Variants in UBE2E2 observed in about 807,000 individuals in gnomAD.
UBE2E2 encodes ubiquitin conjugating enzyme E2 E2, also known as ubiquitin-conjugating enzyme E2 E2.
A neutral mutation model predicts 24.7 loss-of-function variants in UBE2E2; 6 were observed. The ratio of observed to expected loss-of-function variants is 0.24; its 90% confidence interval spans 0.13 to 0.48. The LOEUF is 0.48. Ranked by LOEUF, UBE2E2 falls within the 20% of genes least tolerant of loss-of-function variation. The probability of loss-of-function intolerance (pLI) is 0.99; values close to 1 mark genes in which losing one functional copy is unlikely to be tolerated. For missense variants in UBE2E2, 169 were observed against 245.0 expected (o/e 0.69, Z 2.07); for synonymous variants, 104 against 83.6 (o/e 1.24, Z -1.33).
chr3:23,218,954 C>G (rs536758696), intron 3 of UBE2E2, among the ~76,000 whole-genome samples: 20 of 152,128 alleles, frequency 1.3e-4, no homozygotes, highest in Non-Finnish European at 2.5e-4. Flanking sequence ...TATGTAAGCT[C>G]TTCATAAATA....
At chr3:23,330,318 A>G (rs574003481) in intron 3 of UBE2E2, among the ~76,000 whole-genome samples, 3 of 152,358 alleles carry the variant, frequency 2.0e-5, no homozygotes, top group Non-Finnish European at 4.4e-5. Context: ...TCCAGGCTTT[A>G]GAAATAAAGA....
intron 4 of UBE2E2, among the ~76,000 whole-genome samples, chr3:23,514,241 CTTCTATAAACAGTGCCACA>C (rs1246546050): frequency 9.9e-5 from 15 of 152,216 alleles, no homozygotes; most frequent in Non-Finnish European, 1.8e-4. Context: ...TTCTGACCAC[CTTCTATAAACAGTGCCACA>C]CTAGTTGTTG....
At chr3:23,549,524 C>G (rs972075629) in intron 5 of UBE2E2, among the ~76,000 whole-genome samples, 60 of 152,174 alleles carry the variant, frequency 3.9e-4, no homozygotes, top group African/African-American at 1.4e-3. Flanking sequence ...CTCTCACTAA[C>G]TAGCTAGTGA....
At chr3:23,322,052 T>C (rs1263795116) in intron 3 of UBE2E2, among the ~76,000 whole-genome samples, 1 of 152,218 alleles carries the variant, frequency 6.6e-6, no homozygotes, top group African/African-American at 2.4e-5. Flanking sequence ...AGCCTGCTTT[T>C]TGTACCATAA....
intron 3 of UBE2E2, among the ~76,000 whole-genome samples, chr3:23,461,242 T>C (rs1698799018): frequency 6.6e-6 from 1 of 152,160 alleles, no homozygotes; most frequent in African/African-American, 2.4e-5. Flanking sequence ...TAACTAGTCA[T>C]AGTACTTAAA....
intron 5 of UBE2E2, among the ~76,000 whole-genome samples, chr3:23,553,287 A>T (rs1406284156): frequency 6.6e-6 from 1 of 151,712 alleles, no homozygotes; most frequent in East Asian, 1.9e-4. Context: ...AATCATTGAT[A>T]TTACATTATA....
At chr3:23,488,541 T>G (rs747767425) in intron 3 of UBE2E2, among the ~76,000 whole-genome samples, 30 of 152,350 alleles carry the variant, frequency 2.0e-4, no homozygotes, top group Non-Finnish European at 3.1e-4. Context: ...GAATTTTTAC[T>G]GTGATTACTT....
chr3:23,442,314 A>G (rs1407422132), intron 3 of UBE2E2, among the ~76,000 whole-genome samples: 2 of 152,116 alleles, frequency 1.3e-5, no homozygotes, highest in African/African-American at 4.8e-5. Flanking sequence ...AAAAAAATGA[A>G]TCCTGCTACT....
intron 3 of UBE2E2, among the ~76,000 whole-genome samples, chr3:23,471,172 A>G (rs935246228): frequency 7.2e-5 from 11 of 152,238 alleles, no homozygotes; most frequent in East Asian, 3.8e-4. Context: ...GGACAGCCCC[A>G]GTTTTTCAAA....
At chr3:23,389,352 A>G (rs1367699469) in intron 3 of UBE2E2, among the ~76,000 whole-genome samples, 8 of 152,082 alleles carry the variant, frequency 5.3e-5, no homozygotes, top group Non-Finnish European at 7.4e-5. Context: ...CCTACATTTA[A>G]TCACACACAT....
chr3:23,224,155 G>GCTT (rs1488736163), intron 3 of UBE2E2, among the ~76,000 whole-genome samples: 1 of 94,782 alleles, frequency 1.1e-5, no homozygotes, highest in African/African-American at 3.6e-5. Context: ...GTAAATTTTA[G>GCTT]GTTTTTTTTT....
chr3:23,531,964 A>G (rs909540187), intron 4 of UBE2E2, among the ~76,000 whole-genome samples: 1 of 151,686 alleles, frequency 6.6e-6, no homozygotes, highest in African/African-American at 2.4e-5. Flanking sequence ...TGGGAGGCTG[A>G]GGCAGGACAA....
intron 3 of UBE2E2, among the ~76,000 whole-genome samples, chr3:23,310,174 C>G (rs952210746): frequency 6.6e-6 from 1 of 152,058 alleles, no homozygotes; most frequent in Non-Finnish European, 1.5e-5. Flanking sequence ...CTAAGTTTCA[C>G]AGGTGACTTG....
intron 2 of UBE2E2, among the ~76,000 whole-genome samples, chr3:23,216,669 C>A: frequency 6.6e-6 from 1 of 151,980 alleles, no homozygotes; most frequent in South Asian, 2.1e-4. Flanking sequence ...GAGGATAGAG[C>A]AGGCTTAAAT....
chr3:23,508,739 C>T (rs1249317690), intron 4 of UBE2E2, among the ~76,000 whole-genome samples: 1 of 152,144 alleles, frequency 6.6e-6, no homozygotes, highest in Non-Finnish European at 1.5e-5. Flanking sequence ...TGACCGCACT[C>T]TAAATGGAAG....
chr3:23,499,735 C>T lies in UBE2E2; in HGVS notation c.355C>T (p.Pro119Ser). 6.2e-7 allele frequency: 1 copy of T among 1,612,962 alleles called. No homozygotes were observed. The highest frequency in any genetic ancestry group is 8.5e-7 in the Non-Finnish European group (1 of 1,179,658). ...TTCACCAGACTATCCGTTTAAACCC[C>T]CTAAGGTCAGTATGAAGTTTTCATT... ...TFSPDYPFKP[P>S]KVTFRTRIYH... Residue 119 changes from proline (P) to serine (S), a missense_variant, in exon 4 of 6, where the codon CCT (proline) becomes TCT (serine). By Grantham distance (74) the Pro-to-Ser change is moderately conservative. Around this residue, in one of 2 missense-constraint regions of UBE2E2, gnomAD observed 105 missense variants for 180.7 expected, o/e 0.58. Transcript: ENST00000396703.
At chr3:23,352,018 A>T (rs1327051265) in intron 3 of UBE2E2, among the ~76,000 whole-genome samples, 2 of 152,226 alleles carry the variant, frequency 1.3e-5, no homozygotes, top group Non-Finnish European at 2.9e-5. Context: ...AAGAACAGAA[A>T]TTATAACAAA....
chr3:23,467,983 C>G lies in UBE2E2; in HGVS notation c.228-31625C>G, dbSNP rs60852547. On this transcript the variant is annotated intron_variant, in intron 3 of 5. Transcript: ENST00000396703. ...AAGGACAGGAAGGGGGAAGTCTGCC[C>G]CCATGATTCAGTCATCTCCCACCAG... 6.8e-3 allele frequency among the ~76,000 whole-genome samples: 1,031 copies of G among 152,208 alleles called. 10 individuals carry two copies. The highest frequency in any genetic ancestry group is 0.024 in the African/African-American group (987 of 41,502).
At chr3:23,457,576 G>A (rs909787586) in intron 3 of UBE2E2, among the ~76,000 whole-genome samples, 1 of 152,104 alleles carries the variant, frequency 6.6e-6, no homozygotes, top group African/African-American at 2.4e-5. Flanking sequence ...CAAGGCTGGA[G>A]TGCAGTGGCG....
Sources: allele counts gnomAD v4.1 joint callset (sites outside exome capture counted in the v4.1 genomes callset), GRCh38; gene constraint gnomAD v4.1.1; regional missense constraint gnomAD v4.1.1; transcripts MANE v1.5; gene names NCBI Gene and HGNC (gene_info 2026-07-23, HGNC 2026-07-21).